The following CECR2 variants were observed in gnomAD, a reference collection of about 807,000 sequenced individuals.
The protein encoded by CECR2 is chromatin remodeling regulator CECR2.
CECR2 carries 30 observed loss-of-function variants against 154.5 expected under a neutral mutation model. The ratio of observed to expected loss-of-function variants is 0.19; its 90% CI spans 0.15 to 0.26. CECR2 has a LOEUF of 0.26. Ranked by LOEUF, CECR2 falls within the 10% of genes least tolerant of loss-of-function variation. The pLI is 1.00. For missense variants in CECR2, 1,743 were observed against 1,829.3 expected (o/e 0.95, Z 0.86); for synonymous variants, 725 against 683.7 (o/e 1.06, Z -0.94).
intron 1 of CECR2, among the ~76,000 whole-genome samples, chr22:17,390,522 A>G (rs2063315129): frequency 6.6e-6 from 1 of 152,222 alleles, no homozygotes; most frequent in African/African-American, 2.4e-5. Context: ...CCCGTTAGGA[A>G]TTGCCTGAAT....
At chr22:17,440,891 T>C (rs2054574809) in intron 1 of CECR2, among the ~76,000 whole-genome samples, 1 of 151,512 alleles carries the variant, frequency 6.6e-6, no homozygotes, top group Non-Finnish European at 1.5e-5. Flanking sequence ...TGTTGATGAT[T>C]ATATTTCTAA....
chr22:17,478,601 C>T (rs982962365), intron 2 of CECR2, among the ~76,000 whole-genome samples: 2 of 152,070 alleles, frequency 1.3e-5, no homozygotes, highest in African/African-American at 2.4e-5. Flanking sequence ...GTGATCTGCC[C>T]GCCTCGACCT....
intron 2 of CECR2, among the ~76,000 whole-genome samples, chr22:17,483,542 G>A (rs1345997312): frequency 6.6e-6 from 1 of 152,130 alleles, no homozygotes; most frequent in African/African-American, 2.4e-5. Flanking sequence ...TCAGGAGTTG[G>A]AGGCTGCAGT....
At chr22:17,369,209 C>T (rs1481998297), upstream of CECR2, among the ~76,000 whole-genome samples, 3 of 151,824 alleles carry the variant, frequency 2.0e-5, no homozygotes, top group Non-Finnish European at 4.4e-5. Context: ...CTTCAACTCC[C>T]CAGTCCCAAA....
chr22:17,413,929 G>C (rs1022527538), intron 1 of CECR2, among the ~76,000 whole-genome samples: 3 of 148,932 alleles, frequency 2.0e-5, no homozygotes, highest in Admixed American at 1.4e-4. Flanking sequence ...CGCCCACCTC[G>C]GCCTCCCAAA....
At chr22:17,550,620 G>A (rs548984374) in intron 17 of CECR2, among the ~76,000 whole-genome samples, 17 of 152,220 alleles carry the variant, frequency 1.1e-4, no homozygotes, top group Admixed American at 1.1e-3. Flanking sequence ...TGCCATCCAG[G>A]AAGTTTTCAA....
intron 8 of CECR2, among the ~76,000 whole-genome samples, chr22:17,516,499 C>A (rs770759845): frequency 1.3e-5 from 2 of 152,182 alleles, no homozygotes; most frequent in Non-Finnish European, 2.9e-5. Context: ...GCAATCCCCA[C>A]ATGTCAGGAG....
intron 2 of CECR2, among the ~76,000 whole-genome samples, chr22:17,490,916 A>T (rs1284357014): frequency 6.6e-6 from 1 of 151,804 alleles, no homozygotes; most frequent in Non-Finnish European, 1.5e-5. Flanking sequence ...CAGCGTCACT[A>T]TTCTTACTGT....
At chr22:17,549,585 T>C (rs2056674651) in intron 17 of CECR2, 21 bp downstream of exon 17, 1 of 1,522,066 alleles carries the variant, frequency 6.6e-7, no homozygotes, top group African/African-American at 1.4e-5. Flanking sequence ...ATTCAGGCTT[T>C]TCCCCCTAAA....
intron 8 of CECR2, among the ~76,000 whole-genome samples, chr22:17,515,825 G>A (rs1019165690): frequency 6.6e-6 from 1 of 152,000 alleles, no homozygotes; most frequent in African/African-American, 2.4e-5. Flanking sequence ...ACAGGCGCCC[G>A]CCACCACGCC....
At chr22:17,552,498 C>T (rs561328626) in intron 18 of CECR2, among the ~76,000 whole-genome samples, 2 of 152,252 alleles carry the variant, frequency 1.3e-5, no homozygotes, top group Admixed American at 1.3e-4. Flanking sequence ...GTAGTAATAG[C>T]TGCCTCTGAG....
At chr22:17,552,774 G>GTTTTTGTTTTTTTTTTTTTTTTTT in intron 18 of CECR2, 61 bp from the exon 19 acceptor site, 2 of 933,470 alleles carry the variant, frequency 2.1e-6, no homozygotes, top group South Asian at 1.6e-5. Context: ...GCTTACTTAA[G>GTTTTTGTTTTTTTTTTTTTTTTTT]TTTTTTTTTT....
intron 16 of CECR2, among the ~76,000 whole-genome samples, chr22:17,545,260 A>G (rs1174180621): frequency 6.6e-6 from 1 of 151,306 alleles, no homozygotes; most frequent in East Asian, 2.0e-4. Flanking sequence ...CTGTAAGTTC[A>G]GCTACTTGGG....
chr22:17,518,297 T>A (rs942842539), intron 8 of CECR2, among the ~76,000 whole-genome samples: 7 of 152,244 alleles, frequency 4.6e-5, no homozygotes, highest in African/African-American at 1.7e-4. Flanking sequence ...GTCCCCGTGC[T>A]TGACATTCTG....
chr22:17,432,359 T>C (rs2054438586), intron 1 of CECR2, among the ~76,000 whole-genome samples: 1 of 152,248 alleles, frequency 6.6e-6, no homozygotes, highest in Non-Finnish European at 1.5e-5. Flanking sequence ...CCACATTTGG[T>C]TCATCTGTTC....
chr22:17,399,416 A>ATT (rs67470861), intron 1 of CECR2, among the ~76,000 whole-genome samples: 94 of 126,368 alleles, frequency 7.4e-4, no homozygotes, highest in African/African-American at 1.5e-3. Flanking sequence ...AGTAATGGTG[A>ATT]TTTTTTTTTT....
At chr22:17,394,010 C>T (rs918828712) in intron 1 of CECR2, among the ~76,000 whole-genome samples, 4 of 151,240 alleles carry the variant, frequency 2.6e-5, no homozygotes, top group African/African-American at 9.7e-5. Flanking sequence ...GCCTCAGCCT[C>T]CCGAGTAGCT....
intron 1 of CECR2, among the ~76,000 whole-genome samples, chr22:17,430,208 C>G (rs1380698251): frequency 6.6e-6 from 1 of 152,104 alleles, no homozygotes; most frequent in Non-Finnish European, 1.5e-5. Context: ...TAGGTCAGGC[C>G]TCTTACAGTT....
chr22:17,531,191 G>C (rs2056349146), intron 9 of CECR2, among the ~76,000 whole-genome samples: 1 of 152,128 alleles, frequency 6.6e-6, no homozygotes, highest in African/African-American at 2.4e-5. Context: ...GGTAAAATGG[G>C]AGTTAGAAAA....
Sources: gnomAD v4.1 joint callset for allele counts (sites outside exome capture counted in the v4.1 genomes callset) on GRCh38, gnomAD v4.1.1 for gene constraint, MANE v1.5 for transcripts, NCBI Gene and HGNC (gene_info 2026-07-23, HGNC 2026-07-21) for gene names.